PACRG: variants seen among roughly 807,000 people sequenced by gnomAD.
PACRG encodes parkin coregulated, also known as parkin coregulated gene protein.
In PACRG, 29 loss-of-function variants were observed where a neutral mutation model predicts 29.7. The ratio of observed to expected loss-of-function variants is 0.98; its 90% CI spans 0.73 to 1.33. PACRG has a LOEUF of 1.33. PACRG is among the 40% of genes most tolerant of loss of function. PACRG has a pLI of 0.00. For missense variants in PACRG, 279 were observed against 316.2 expected (o/e 0.88, Z 0.89); for synonymous variants, 116 against 118.7 (o/e 0.98, Z 0.15).
intron 2 of PACRG, among the ~76,000 whole-genome samples, chr6:162,815,520 C>G (rs1005730879): frequency 4.0e-5 from 6 of 150,474 alleles, no homozygotes; most frequent in African/African-American, 1.5e-4. Context: ...ACAAGAGGAA[C>G]TTGGTAGTAT....
intron 2 of PACRG, among the ~76,000 whole-genome samples, chr6:162,961,008 T>A (rs1800570702): frequency 7.0e-6 from 1 of 143,426 alleles, no homozygotes. Flanking sequence ...ATTGTGGCCA[T>A]GAGAGGTAGA....
At chr6:163,199,094 AG>A (rs1780590681) in intron 4 of PACRG, among the ~76,000 whole-genome samples, 1 of 152,188 alleles carries the variant, frequency 6.6e-6, no homozygotes, top group African/African-American at 2.4e-5. Context: ...GTTGGCCCTA[AG>A]CCGTTCCCAG....
At chr6:163,272,047 T>TC (rs1554238383) in intron 4 of PACRG, among the ~76,000 whole-genome samples, 2 of 151,246 alleles carry the variant, frequency 1.3e-5, no homozygotes, top group East Asian at 1.9e-4. Flanking sequence ...CTTTTTCTTT[T>TC]TTTTTTTTCA....
chr6:162,958,868 TATATATATATATATATAGAG>T (rs1800310507), intron 2 of PACRG, among the ~76,000 whole-genome samples: 3 of 72,734 alleles, frequency 4.1e-5, no homozygotes, highest in African/African-American at 1.1e-4. Context: ...TATATATATA[TATATATATATATATATAGAG>T]AGAGAGAGAG....
At chr6:163,059,034 G>T (rs1269539727) in intron 2 of PACRG, among the ~76,000 whole-genome samples, 1 of 149,668 alleles carries the variant, frequency 6.7e-6, no homozygotes. Flanking sequence ...AGCCGAGATC[G>T]CACCACTGCC....
intron 4 of PACRG, among the ~76,000 whole-genome samples, chr6:163,297,578 G>A (rs563161532): frequency 6.6e-6 from 1 of 152,140 alleles, no homozygotes; most frequent in East Asian, 1.9e-4. Flanking sequence ...CATCTTTAGA[G>A]GCTCCCCATA....
At position 162,951,414 on chromosome 6, in the gene PACRG, G is replaced by A. The variant is rs548700915; in HGVS notation, c.292-110736G>A. Among the ~76,000 whole-genome samples, 152 of 152,308 alleles carry A rather than the reference G, an allele frequency of 1.0e-3. 1 individual carries two copies. Among genetic ancestry groups the A allele is most frequent in the Admixed American group, 2.0e-3 (31 of 15,304 alleles). ...CAGGCAGGAAGGCTCTGATTGATTG[G>A]CCTCCAAGCCCCAAACCAGAATTCT... On this transcript the variant is annotated intron_variant, in intron 2 of 4. Transcript: ENST00000366888.
intron 2 of PACRG, among the ~76,000 whole-genome samples, chr6:162,994,835 C>T (rs984358765): frequency 6.0e-5 from 9 of 151,186 alleles, no homozygotes; most frequent in African/African-American, 1.5e-4. Context: ...TAGAGTTTCC[C>T]GTTTTTCTGT....
intron 4 of PACRG, among the ~76,000 whole-genome samples, chr6:163,100,542 C>T (rs1815014236): frequency 6.6e-6 from 1 of 152,182 alleles, no homozygotes; most frequent in South Asian, 2.1e-4. Flanking sequence ...AGCGCGTGGC[C>T]AGTTCCCCGC....
At chr6:163,044,149 T>C (rs567424210) in intron 2 of PACRG, among the ~76,000 whole-genome samples, 1 of 150,114 alleles carries the variant, frequency 6.7e-6, no homozygotes, top group African/African-American at 2.5e-5. Flanking sequence ...TCAGCTTGCC[T>C]ATAATATGGG....
intron 2 of PACRG, among the ~76,000 whole-genome samples, chr6:163,016,942 A>T (rs192594833): frequency 1.3e-3 from 201 of 152,250 alleles, no homozygotes; most frequent in Middle Eastern, 6.8e-3. Flanking sequence ...TAAGGTCAAA[A>T]TATATTTCAT....
chr6:162,844,603 G>A (rs1003763098), intron 2 of PACRG, among the ~76,000 whole-genome samples: 5 of 152,196 alleles, frequency 3.3e-5, no homozygotes, highest in Admixed American at 2.0e-4. Flanking sequence ...TTCCTATTGC[G>A]CCATCTTGGC....
rs183582790 is a variant in PACRG, at chr6:163,306,652, T to C, written c.614-8175T>C. On this transcript the variant is annotated intron_variant, in intron 4 of 4. Coordinates refer to ENST00000366888, the MANE Select transcript of PACRG (RefSeq NM_001080379.2). ...GAATTTTGCACAGTGCTCTCTTAAC[T>C]AGAATTAATTATATAAACATTTGGT... Among the ~76,000 whole-genome samples the C allele has an allele frequency of 4.9e-3, 749 of 152,354 alleles. 4 individuals carry two copies. Among genetic ancestry groups the C allele is most frequent in the Non-Finnish European group, 8.3e-3 (568 of 68,034 alleles).
intron 2 of PACRG, among the ~76,000 whole-genome samples, chr6:163,040,452 G>A (rs1808588872): frequency 6.6e-6 from 1 of 152,208 alleles, no homozygotes; most frequent in Admixed American, 6.5e-5. Flanking sequence ...GAGTTGTCAG[G>A]AAAGGGCAAC....
rs1783467215 is a variant in PACRG at position 163,264,809 on chromosome 6, C to T, written c.614-50018C>T. On this transcript the variant is annotated intron_variant, in intron 4 of 4. Coordinates refer to ENST00000366888, the MANE Select transcript of PACRG (RefSeq NM_001080379.2). ...CTGAAATTGATAAGGGAGAAGCTGC[C>T]TCTGCCAAAACCAATCTGGCAACTG... is the stretch of plus-strand genomic sequence containing the variant. 2.0e-5 allele frequency among the ~76,000 whole-genome samples: 3 copies of T among 152,242 alleles called. 1 individual carries two copies. In the South Asian group the frequency reaches 6.2e-4, roughly 32 times the overall value.
At chr6:163,077,215 TTCATC>T (rs1272860387) in intron 3 of PACRG, among the ~76,000 whole-genome samples, 3 of 152,208 alleles carry the variant, frequency 2.0e-5, no homozygotes, top group African/African-American at 7.2e-5. Flanking sequence ...TTTCTGTTGA[TTCATC>T]TACATTCTCT....
chr6:163,211,534 C>T (rs1001393582), intron 4 of PACRG, among the ~76,000 whole-genome samples: 7 of 152,056 alleles, frequency 4.6e-5, no homozygotes, highest in Non-Finnish European at 1.0e-4. Context: ...AGAATCTAGG[C>T]ATATATCTAT....
intron 2 of PACRG, among the ~76,000 whole-genome samples, chr6:162,903,514 G>T (rs138378642): frequency 6.6e-6 from 1 of 151,804 alleles, no homozygotes; most frequent in East Asian, 1.9e-4. Flanking sequence ...ATGGCGGCAG[G>T]CAAGAGAGAA....
At chr6:163,058,723 C>T (rs1302237379) in intron 2 of PACRG, among the ~76,000 whole-genome samples, 1 of 152,104 alleles carries the variant, frequency 6.6e-6, no homozygotes, top group Non-Finnish European at 1.5e-5. Context: ...GGTGAAACCC[C>T]GTCTCTACTA....
Sources: gnomAD v4.1 joint callset for allele counts (sites outside exome capture counted in the v4.1 genomes callset) on GRCh38, gnomAD v4.1.1 for gene constraint, MANE v1.5 for transcripts, NCBI Gene and HGNC (gene_info 2026-07-23, HGNC 2026-07-21) for gene names.